CHD6: variants seen among roughly 807,000 people sequenced by gnomAD.
CHD6 encodes ATP-dependent chromatin remodeler CHD6.
In CHD6, 50 loss-of-function variants were observed where a neutral mutation model predicts 276.9. The observed-to-expected ratio is 0.18, with a 90% CI of 0.14 to 0.23. The LOEUF (loss-of-function observed/expected upper bound fraction) is 0.23. Ranked by LOEUF, CHD6 falls within the 10% of genes least tolerant of loss-of-function variation. The probability of loss-of-function intolerance (pLI) is 1.00; values close to 1 mark genes in which losing one functional copy is unlikely to be tolerated. For synonymous variants in CHD6, 1,173 were observed against 1,229.3 expected (o/e 0.95, Z 0.96); for missense variants, 2,564 against 3,365.8 (o/e 0.76, Z 5.89).
intron 4 of CHD6, 70 bp from the exon 5 acceptor site, chr20:41,513,065 C>G (rs961419741): frequency 5.2e-6 from 8 of 1,531,138 alleles, no homozygotes; most frequent in Non-Finnish European, 7.2e-6. Context: ...AGAATACCCT[C>G]ATCTACATTT....
At position 41,435,064 on chromosome 20, in the gene CHD6, C is replaced by T. The variant is rs143816976; in HGVS notation, c.4068+2210G>A. Among the ~76,000 whole-genome samples, 552 of 152,016 alleles carry T rather than the reference C, an allele frequency of 3.6e-3. 4 individuals carry two copies. Among genetic ancestry groups the T allele is most frequent in the African/African-American group, 0.012 (510 of 41,446 alleles). On this transcript the variant is annotated intron_variant, in intron 27 of 36. Transcript: ENST00000373233. ...GAATCAAACTAGAGATCAATAACAG[C>T]AAGGTAATGGGGAAATCTCCAAACA...
intron 23 of CHD6, among the ~76,000 whole-genome samples, chr20:41,448,888 A>C (rs1382881349): frequency 6.6e-6 from 1 of 152,078 alleles, no homozygotes; most frequent in Non-Finnish European, 1.5e-5. Flanking sequence ...AATCAACTCA[A>C]ATAATTCTGA....
chr20:41,476,432 G>C (rs2043169185), intron 16 of CHD6, among the ~76,000 whole-genome samples: 1 of 151,968 alleles, frequency 6.6e-6, no homozygotes, highest in Admixed American at 6.6e-5. Flanking sequence ...AAGGCCTGAA[G>C]GGAAATGAAC....
intron 25 of CHD6, among the ~76,000 whole-genome samples, chr20:41,445,164 C>A (rs1216972617): frequency 6.6e-6 from 1 of 152,204 alleles, no homozygotes; most frequent in Non-Finnish European, 1.5e-5. Context: ...TCAATTACCA[C>A]ATTTTTAAAA....
At chr20:41,456,261 T>C (rs933508534) in intron 18 of CHD6, among the ~76,000 whole-genome samples, 1 of 152,106 alleles carries the variant, frequency 6.6e-6, no homozygotes, top group Non-Finnish European at 1.5e-5. Context: ...CACAAGCCAC[T>C]ATAACTATGC....
chr20:41,447,567 T>A (rs564310822), intron 24 of CHD6, among the ~76,000 whole-genome samples: 1 of 152,260 alleles, frequency 6.6e-6, no homozygotes, highest in Admixed American at 6.5e-5. Flanking sequence ...ACATGTCAGA[T>A]CAGTAACCGA....
chr20:41,529,719 C>A (rs1436676219), intron 3 of CHD6, among the ~76,000 whole-genome samples: 3 of 151,820 alleles, frequency 2.0e-5, no homozygotes, highest in African/African-American at 7.3e-5. Context: ...AGGTATAGCG[C>A]CAGAGATGGA....
chr20:41,483,431 T>C lies in CHD6; in HGVS notation c.2346A>G (p.Ala782=). Residue 782 remains alanine (A), a synonymous_variant, in exon 16 of 37, where the codon GCA becomes GCG. Transcript: ENST00000373233. ...DFQLQAMIQA[A]GKLVLIDKLL... ...GTTTATCAATCAACACAAGCTTTCC[T>C]GCTGCCTGAATCATGGCCTGCAGCT... 6.2e-7 allele frequency: 1 copy of C among 1,613,856 alleles called. No individual in the cohort carries two copies. Among genetic ancestry groups the C allele is most frequent in the South Asian group, 1.1e-5 (1 of 91,070 alleles).
intron 25 of CHD6, among the ~76,000 whole-genome samples, chr20:41,441,120 A>C (rs2047888918): frequency 6.6e-6 from 1 of 152,158 alleles, no homozygotes; most frequent in South Asian, 2.1e-4. Flanking sequence ...GAAGCTCTGC[A>C]GTGCCTTATG....
chr20:41,570,307 G>A (rs2045403154), intron 1 of CHD6, among the ~76,000 whole-genome samples: 1 of 152,152 alleles, frequency 6.6e-6, no homozygotes, highest in Non-Finnish European at 1.5e-5. Flanking sequence ...TGCAAAGCTG[G>A]GTATCACAGA....
chr20:41,417,668 T>G (rs2047045408), intron 31 of CHD6, among the ~76,000 whole-genome samples: 1 of 152,214 alleles, frequency 6.6e-6, no homozygotes, highest in Non-Finnish European at 1.5e-5. Flanking sequence ...ACAAAGAGGC[T>G]TCTCACTTAG....
intron 1 of CHD6, among the ~76,000 whole-genome samples, chr20:41,555,086 G>A (rs1403841956): frequency 6.8e-6 from 1 of 147,622 alleles, no homozygotes; most frequent in Non-Finnish European, 1.5e-5. Context: ...CTCCTGGACG[G>A]GGCGGCTTGC....
In CHD6 at chr20:41,420,779, A is replaced by C. The variant is rs2047162062; in HGVS notation, c.5856T>G (p.Asn1952Lys). ...TGGGTTTCTCGATTTCAAATTCATC[A>C]TTCTCGAGGCCATGCATCCACCTCT... The part of the protein sequence containing the change: ...HMERWMHGLE[N>K]DEFEIEKPKA... The change falls in exon 31 of 37, where the codon AAT becomes AAG. Residue 1952 changes from asparagine to lysine, a missense_variant. This residue lies in a region of CHD6 where 1,024 missense variants were observed against 1,047.9 expected (regional missense o/e 0.98). Coordinates refer to ENST00000373233, the MANE Select transcript of CHD6 (RefSeq NM_032221.5). The C allele has an allele frequency of 6.2e-7, 1 of 1,614,090 alleles. No homozygotes were observed. The highest frequency in any genetic ancestry group is 1.3e-5 in the African/African-American group (1 of 74,920).
intron 3 of CHD6, among the ~76,000 whole-genome samples, chr20:41,516,815 C>T (rs1005003557): frequency 6.6e-6 from 1 of 152,090 alleles, no homozygotes; most frequent in Non-Finnish European, 1.5e-5. Flanking sequence ...GGGAATGAAG[C>T]CTTTCAAGGG....
intron 8 of CHD6, among the ~76,000 whole-genome samples, chr20:41,494,470 AAAC>A (rs1053079729): frequency 2.6e-5 from 4 of 152,240 alleles, no homozygotes; most frequent in South Asian, 2.1e-4. Flanking sequence ...GTTTACTACA[AAAC>A]AACAAGAAGC....
rs1016312365 is a variant in CHD6, at chr20:41,497,427, C to T, written c.1049G>A (p.Arg350Gln). The stretch of plus-strand genomic sequence containing the variant: ...CATCTGGGCTTGTTTATTCCTAAAT[C>T]GCTTGATCTTCTGTGCGATGCGAGG... Reference protein sequence around the residue: ...KDPRIAQKIKRFRNKQAQMKH... With the variant: ...KDPRIAQKIKQFRNKQAQMKH... The change falls in exon 8 of 37, where the codon CGA (arginine) becomes CAA (glutamine). Residue 350 changes from arginine to glutamine, a missense_variant. By Grantham distance (43) the Arg-to-Gln change is conservative. This residue lies in a region of CHD6 where 457 missense variants were observed against 889.0 expected (regional missense o/e 0.51). Coordinates refer to ENST00000373233, the MANE Select transcript of CHD6 (RefSeq NM_032221.5). The T allele has an allele frequency of 1.9e-6, 3 of 1,613,720 alleles. No individual in the cohort carries two copies. The highest frequency in any genetic ancestry group is 1.7e-6 in the Non-Finnish European group (2 of 1,179,814).
chr20:41,488,753 T>A (rs1164115553), intron 12 of CHD6, 149 bp from the exon 13 acceptor site: 3 of 679,278 alleles, frequency 4.4e-6, no homozygotes, highest in Non-Finnish European at 7.2e-6. Flanking sequence ...AAAGAGAATA[T>A]AAGAATTAAC....
chr20:41,571,298 G>T (rs1343440872), intron 1 of CHD6, among the ~76,000 whole-genome samples: 2 of 151,778 alleles, frequency 1.3e-5, no homozygotes, highest in Admixed American at 1.3e-4. Context: ...TTGGTAAGAA[G>T]AATGACAGCA....
At chr20:41,508,964 T>C (rs1351193740) in intron 5 of CHD6, among the ~76,000 whole-genome samples, 3 of 152,182 alleles carry the variant, frequency 2.0e-5, no homozygotes, top group Non-Finnish European at 2.9e-5. Flanking sequence ...CTGAATAAGT[T>C]ATTTGATAAG....
Sources: allele counts gnomAD v4.1 joint callset (sites outside exome capture counted in the v4.1 genomes callset), GRCh38; gene constraint gnomAD v4.1.1; regional missense constraint gnomAD v4.1.1; transcripts MANE v1.5; gene names NCBI Gene and HGNC (gene_info 2026-07-23, HGNC 2026-07-21).